Variants in LRBA observed in about 807,000 individuals in gnomAD.
LRBA encodes the protein lipopolysaccharide-responsive and beige-like anchor protein.
Under a neutral mutation model 330.0 loss-of-function variants are expected in LRBA, and 176 were observed. That is an observed-to-expected ratio of 0.53 (90% CI 0.47 to 0.60). The LOEUF (loss-of-function observed/expected upper bound fraction) is 0.60, where lower values mean the gene tolerates loss of function less well. Among genes scored for constraint, LRBA ranks in the 20% least tolerant of loss-of-function variants. The probability of loss-of-function intolerance (pLI) is 0.00; values close to 1 mark genes in which losing one functional copy is unlikely to be tolerated. For missense variants in LRBA, 3,259 were observed against 3,444.8 expected (o/e 0.95, Z 1.35); for synonymous variants, 1,230 against 1,193.0 (o/e 1.03, Z -0.64).
chr4:150,650,542 ATCT>A (rs1210433297), intron 37 of LRBA, among the ~76,000 whole-genome samples: 2 of 152,148 alleles, frequency 1.3e-5, no homozygotes, highest in East Asian at 1.9e-4. Context: ...CATTGTAAAC[ATCT>A]TCTTATTTTA....
chr4:150,508,886 C>G (rs987820769), intron 40 of LRBA, among the ~76,000 whole-genome samples: 1 of 152,150 alleles, frequency 6.6e-6, no homozygotes, highest in African/African-American at 2.4e-5. Flanking sequence ...ATTTATAGAA[C>G]AGTCCAACCC....
chr4:150,866,873 CATAAAAA>C (rs1752766309), intron 22 of LRBA, among the ~76,000 whole-genome samples: 1 of 151,508 alleles, frequency 6.6e-6, no homozygotes, highest in African/African-American at 2.4e-5. Flanking sequence ...TAAGTGCAAA[CATAAAAA>C]ATAAAACTCT....
At chr4:150,431,621 A>T (rs916623880) in intron 46 of LRBA, among the ~76,000 whole-genome samples, 4 of 152,272 alleles carry the variant, frequency 2.6e-5, no homozygotes, top group South Asian at 4.1e-4. Flanking sequence ...AATATTTTGG[A>T]TATATACGGT....
At chr4:150,614,559 A>G (rs1346785474) in intron 37 of LRBA, among the ~76,000 whole-genome samples, 1 of 152,238 alleles carries the variant, frequency 6.6e-6, no homozygotes, top group Non-Finnish European at 1.5e-5. Flanking sequence ...AAGGGTATGA[A>G]AGAAAAGCTC....
At chr4:150,990,595 G>C (rs1202469390) in intron 2 of LRBA, among the ~76,000 whole-genome samples, 2 of 152,080 alleles carry the variant, frequency 1.3e-5, no homozygotes, top group African/African-American at 2.4e-5. Flanking sequence ...AATTAGCCAG[G>C]TGTGGTGGCA....
chr4:150,971,999 A>C (rs565845691), intron 2 of LRBA, among the ~76,000 whole-genome samples: 16 of 152,174 alleles, frequency 1.1e-4, no homozygotes, highest in Non-Finnish European at 2.1e-4. Flanking sequence ...CTACTGAGAA[A>C]ATAATTAGAA....
intron 40 of LRBA, among the ~76,000 whole-genome samples, chr4:150,567,756 A>T (rs1769321882): frequency 6.6e-6 from 1 of 152,150 alleles, no homozygotes; most frequent in Admixed American, 6.6e-5. Context: ...TCATACTGTA[A>T]ATTTGAACTT....
At chr4:150,314,379 T>A (rs1178073569) in intron 51 of LRBA, among the ~76,000 whole-genome samples, 2 of 152,102 alleles carry the variant, frequency 1.3e-5, no homozygotes, top group Non-Finnish European at 2.9e-5. Context: ...ACGTATTAGA[T>A]TTCTGATTAT....
intron 40 of LRBA, among the ~76,000 whole-genome samples, chr4:150,545,311 A>G (rs934329307): frequency 5.9e-5 from 9 of 152,232 alleles, no homozygotes; most frequent in Non-Finnish European, 8.8e-5. Flanking sequence ...AGAAGATTAC[A>G]AATCAATTGT....
chr4:150,876,165 G>T (rs57218449), intron 17 of LRBA, among the ~76,000 whole-genome samples: 1 of 151,796 alleles, frequency 6.6e-6, no homozygotes, highest in Non-Finnish European at 1.5e-5. Context: ...AAATTTACCT[G>T]AACAAAAATT....
At chr4:150,285,183 T>C (rs1436413470) in intron 54 of LRBA, among the ~76,000 whole-genome samples, 1 of 152,242 alleles carries the variant, frequency 6.6e-6, no homozygotes, top group African/African-American at 2.4e-5. Flanking sequence ...AAATACTCTG[T>C]TTCCCCACCA....
chr4:150,372,492 T>C (rs1322562924), intron 47 of LRBA, among the ~76,000 whole-genome samples: 1 of 137,852 alleles, frequency 7.3e-6, no homozygotes, highest in African/African-American at 2.7e-5. Flanking sequence ...TTCCAGCTAG[T>C]AGGGAGGCTG....
chr4:150,554,811 AC>A (rs1333439980), intron 40 of LRBA, among the ~76,000 whole-genome samples: 2 of 152,170 alleles, frequency 1.3e-5, no homozygotes, highest in Non-Finnish European at 2.9e-5. Flanking sequence ...ATAAGGTATT[AC>A]TAATCCTTCT....
At chr4:150,804,519 G>A (rs529470155) in intron 33 of LRBA, among the ~76,000 whole-genome samples, 7 of 152,236 alleles carry the variant, frequency 4.6e-5, no homozygotes, top group African/African-American at 9.6e-5. Flanking sequence ...TGCTACAAGA[G>A]AGATGCTTTT....
At chr4:150,965,458 A>C (rs903260288) in intron 2 of LRBA, among the ~76,000 whole-genome samples, 1 of 152,232 alleles carries the variant, frequency 6.6e-6, no homozygotes, top group Non-Finnish European at 1.5e-5. Flanking sequence ...AAGCCTAAGA[A>C]AATTTAGAAG....
At chr4:150,617,908 AC>A (rs1485475001) in intron 37 of LRBA, among the ~76,000 whole-genome samples, 1 of 152,078 alleles carries the variant, frequency 6.6e-6, no homozygotes, top group Non-Finnish European at 1.5e-5. Flanking sequence ...GGAGTTCAAC[AC>A]CAACCTGGGC....
Position 150,817,145 on chromosome 4 carries a change from C to T in LRBA, c.5284G>A (p.Asp1762Asn), listed in dbSNP as rs752859431. ...VSSVDSAQAS[D>N]MGGESPGSRS... is the part of the protein sequence containing the mutation. ...TCACCTGGTGATTCTCCTCCCATAT[C>T]TGAGGCTTGGGCTGAATCTACTGAG... is the stretch of plus-strand genomic sequence containing the variant. Residue 1762 changes from aspartate to asparagine, a missense_variant, in exon 31 of 57, where the codon GAT (aspartate) becomes AAT (asparagine). Physicochemically the swap from Asp to Asn is conservative, Grantham distance 23 (BLOSUM62 1). Transcript: ENST00000651943. 6.2e-7 allele frequency: 1 copy of T among 1,612,094 alleles called. No homozygotes were observed. Among genetic ancestry groups the T allele is most frequent in the African/African-American group, 1.3e-5 (1 of 74,916 alleles).
chr4:150,503,323 C>T (rs959005082), intron 40 of LRBA, among the ~76,000 whole-genome samples: 1 of 152,186 alleles, frequency 6.6e-6, no homozygotes, highest in Non-Finnish European at 1.5e-5. Flanking sequence ...GGACTGACAC[C>T]TCACACGGCC....
intron 44 of LRBA, among the ~76,000 whole-genome samples, chr4:150,452,626 G>GAAA (rs35235439): frequency 7.3e-6 from 1 of 137,104 alleles, no homozygotes; most frequent in Non-Finnish European, 1.6e-5. Flanking sequence ...CATCTCAAAG[G>GAAA]AAAAAAAAAA....
Sources: gnomAD v4.1 joint callset for allele counts (sites outside exome capture counted in the v4.1 genomes callset) on GRCh38, gnomAD v4.1.1 for gene constraint, MANE v1.5 for transcripts, NCBI Gene and HGNC (gene_info 2026-07-23, HGNC 2026-07-21) for gene names.